The following SMCO4 variants were observed in gnomAD, a reference collection of about 807,000 sequenced individuals.
The protein encoded by SMCO4 is single-pass membrane protein with coiled-coil domains 4, also known as single-pass membrane and coiled-coil domain-containing protein 4.
Under a neutral mutation model 3.6 loss-of-function variants are expected in SMCO4, and 4 were observed. That is an observed-to-expected ratio of 1.11 (90% confidence interval 0.54 to 2.53). The LOEUF (loss-of-function observed/expected upper bound fraction) is 2.53. Ranked by LOEUF, SMCO4 falls within the 30% of genes most tolerant of loss-of-function variation. The pLI is 0.02. For synonymous variants in SMCO4, 36 were observed against 35.3 expected (o/e 1.02, Z -0.07); for missense variants, 70 against 80.8 (o/e 0.87, Z 0.51).
chr11:93,546,243 T>C (rs182157948), upstream of SMCO4, among the ~76,000 whole-genome samples: 6 of 152,350 alleles, frequency 3.9e-5, no homozygotes, highest in East Asian at 1.2e-3. Flanking sequence ...AATCTAAGCT[T>C]AGCAGAGCAT....
chr11:93,538,355 A>C (rs1344634706), intron 1 of SMCO4, among the ~76,000 whole-genome samples: 1 of 152,232 alleles, frequency 6.6e-6, no homozygotes, highest in African/African-American at 2.4e-5. Flanking sequence ...CTTATGGAAT[A>C]GCCAAAACTG....
intron 1 of SMCO4, among the ~76,000 whole-genome samples, chr11:93,542,916 T>C (rs1247021801): frequency 6.6e-6 from 1 of 151,834 alleles, no homozygotes; most frequent in African/African-American, 2.4e-5. Context: ...TTGCACTGCG[T>C]CCCCCGGCCC....
chr11:93,540,111 G>A lies in SMCO4; in HGVS notation c.-154+3165C>T, dbSNP rs533214190. ...TCACAGGCCCTGGAATATTCATTGC[G>A]CGTGCTGGGGCTTAGGGTGGGAAGG... On this transcript the variant is annotated intron_variant, in intron 1 of 2. Transcript: ENST00000298966. Among the ~76,000 whole-genome samples, 23 of 152,130 alleles carry A rather than the reference G, an allele frequency of 1.5e-4. No homozygotes were observed. In the South Asian group the frequency reaches 3.1e-3, roughly 21 times the overall value.
chr11:93,530,574 G>A (rs1949152710), intron 1 of SMCO4, among the ~76,000 whole-genome samples: 1 of 152,164 alleles, frequency 6.6e-6, no homozygotes, highest in African/African-American at 2.4e-5. Flanking sequence ...AGGCACAACA[G>A]TGGCTCCCAT....
At chr11:93,497,593 G>A (rs11606253) in intron 2 of SMCO4, among the ~76,000 whole-genome samples, 18,217 of 152,004 alleles carry the variant, frequency 0.12, 1,349 homozygotes, top group Non-Finnish European at 0.17. Flanking sequence ...TGAGGGTAGA[G>A]ACGGTTCTGT....
chr11:93,553,893 A>T, the SMCO4 span, among the ~76,000 whole-genome samples: 1 of 152,210 alleles, frequency 6.6e-6, no homozygotes, highest in Admixed American at 6.5e-5. Context: ...GCCAGGTTCT[A>T]TCTGGTAGTT....
At chr11:93,514,407 T>TACAC (rs1565383064) in intron 1 of SMCO4, among the ~76,000 whole-genome samples, 1 of 26,784 alleles carries the variant, frequency 3.7e-5, no homozygotes, top group Non-Finnish European at 1.0e-4. Flanking sequence ...TATATATATA[T>TACAC]ATATATATAT....
Position 93,540,082 on chromosome 11 carries a change from A to T in SMCO4, c.-154+3194T>A, listed in dbSNP as rs1949259762. Among the ~76,000 whole-genome samples the T allele has an allele frequency of 2.0e-5, 3 of 152,148 alleles. No individual in the cohort carries two copies. The South Asian group carries it at 6.2e-4, about 32-fold the overall frequency. ...GATTTTTTCAATTCCCTTGGACAAG[A>T]CAATCACAGGCCCTGGAATATTCAT... On this transcript the variant is annotated intron_variant, in intron 1 of 2. Transcript: ENST00000298966.
At chr11:93,525,448 T>C (rs961353807) in intron 1 of SMCO4, among the ~76,000 whole-genome samples, 19 of 152,168 alleles carry the variant, frequency 1.2e-4, no homozygotes, top group Non-Finnish European at 2.6e-4. Flanking sequence ...ATTTGATTCC[T>C]TGAAAGAAAA....
chr11:93,516,867 G>C (rs1486534587), intron 1 of SMCO4, among the ~76,000 whole-genome samples: 1 of 152,150 alleles, frequency 6.6e-6, no homozygotes, highest in Admixed American at 6.5e-5. Flanking sequence ...CCTAATATTA[G>C]AAATCTCTAC....
intron 1 of SMCO4, among the ~76,000 whole-genome samples, chr11:93,522,441 G>A (rs1242562443): frequency 6.6e-6 from 1 of 152,340 alleles, no homozygotes; most frequent in East Asian, 1.9e-4. Flanking sequence ...CTGGTCATGT[G>A]GCACGACCAG....
chr11:93,529,785 C>G (rs921513487), intron 1 of SMCO4, among the ~76,000 whole-genome samples: 1 of 152,358 alleles, frequency 6.6e-6, no homozygotes, highest in African/African-American at 2.4e-5. Flanking sequence ...AGGCCAGGCC[C>G]GCTGAGGGCC....
intron 2 of SMCO4, among the ~76,000 whole-genome samples, chr11:93,486,560 G>C (rs1033895793): frequency 2.1e-4 from 32 of 152,178 alleles, no homozygotes; most frequent in African/African-American, 7.7e-4. Flanking sequence ...TGGGTTAAAA[G>C]ATGCACCACA....
chr11:93,535,206 T>A (rs1019384564), intron 1 of SMCO4, among the ~76,000 whole-genome samples: 2 of 152,154 alleles, frequency 1.3e-5, no homozygotes, highest in Non-Finnish European at 2.9e-5. Flanking sequence ...CCTATTACCA[T>A]AACTAGCATC....
rs1555077581 is a variant in SMCO4 at position 93,514,421 on chromosome 11, T to TAA, written c.-153-15075_-153-15074dup. ...ATATATATATATATATATATATATA[T>TAA]AAAATTTGGTCTCTTCCAAAGATCA... On this transcript the variant is annotated intron_variant, in intron 1 of 2. Transcript: ENST00000298966. Among the ~76,000 whole-genome samples, 185 of 53,392 alleles carry TAA rather than the reference T, an allele frequency of 3.5e-3. 5 individuals carry two copies. Among genetic ancestry groups the TAA allele is most frequent in the African/African-American group, 0.012 (164 of 13,914 alleles). 35.0% of individuals were successfully genotyped at this position (53,392 alleles called of 152,430 possible).
rs552266311 is a variant in SMCO4 at position 93,483,461 on chromosome 11, A to G, written c.-80-4192T>C. On this transcript the variant is annotated intron_variant, in intron 2 of 2. Coordinates refer to ENST00000298966, the MANE Select transcript of SMCO4 (RefSeq NM_020179.3). ...AAGAATCTAAGAGACATGAATGGAC[A>G]CTGAAGTTGGACAATCACACAGTTG... Among the ~76,000 whole-genome samples, 4 of 152,338 alleles carry G rather than the reference A, an allele frequency of 2.6e-5. No homozygotes were observed. The East Asian group carries it at 7.7e-4, about 29-fold the overall frequency.
intron 2 of SMCO4, among the ~76,000 whole-genome samples, chr11:93,487,012 G>A (rs1591303714): frequency 6.6e-6 from 1 of 152,144 alleles, no homozygotes; most frequent in South Asian, 2.1e-4. Flanking sequence ...ATCTCTTCTT[G>A]TAACTGTGTC....
At chr11:93,529,217 C>T (rs527251807) in intron 1 of SMCO4, among the ~76,000 whole-genome samples, 2 of 152,286 alleles carry the variant, frequency 1.3e-5, no homozygotes, top group South Asian at 2.1e-4. Flanking sequence ...GGAAAGAACA[C>T]CCTAAAAATA....
chr11:93,545,765 A>G (rs1371194852), upstream of SMCO4, among the ~76,000 whole-genome samples: 1 of 152,160 alleles, frequency 6.6e-6, no homozygotes, highest in Admixed American at 6.5e-5. Flanking sequence ...GCTCCCTCCC[A>G]CGTTGACCCT....
Sources: gnomAD v4.1 joint callset for allele counts (sites outside exome capture counted in the v4.1 genomes callset) on GRCh38, gnomAD v4.1.1 for gene constraint, MANE v1.5 for transcripts, NCBI Gene and HGNC (gene_info 2026-07-23, HGNC 2026-07-21) for gene names.